AFDN: variants seen among roughly 807,000 people sequenced by gnomAD.
AFDN encodes the protein afadin.
AFDN carries 68 observed loss-of-function variants against 216.6 expected under a neutral mutation model. The ratio of observed to expected loss-of-function variants is 0.31; its 90% CI spans 0.26 to 0.38. AFDN has a LOEUF of 0.38. Among genes scored for constraint, AFDN ranks in the 10% least tolerant of loss-of-function variants. The pLI, the probability that AFDN is intolerant of heterozygous loss-of-function variation, is 1.00. For synonymous variants in AFDN, 868 were observed against 853.7 expected (o/e 1.02, Z -0.29); for missense variants, 2,136 against 2,342.0 (o/e 0.91, Z 1.82).
rs529754750 is a variant in AFDN, at chr6:167,965,853, G to A, written c.5065G>A (p.Gly1689Ser). 1.9e-5 allele frequency: 30 copies of A among 1,549,386 alleles called. 1 individual carries two copies. The East Asian group carries it at 4.6e-4, about 24-fold the overall frequency. Residue 1689 changes from glycine (G) to serine (S), a missense_variant, in exon 32 of 34, where the codon GGT becomes AGT. This residue lies in a region of AFDN where 981 missense variants were observed against 966.0 expected (regional missense o/e 1.02). Transcript: ENST00000683244. ...ARRLLEPEAP[G>S]LCRPPLPRDY... ...CAGGTTGCTGGAGCCCGAGGCGCCC[G>A]GTCTGTGCCGCCCTCCGCTTCCCCG...
intron 1 of AFDN, among the ~76,000 whole-genome samples, chr6:167,840,518 A>G (rs1007067516): frequency 1.4e-4 from 21 of 152,220 alleles, no homozygotes; most frequent in African/African-American, 4.6e-4. Context: ...TTCTTGAACC[A>G]TAGTACCAGA....
At chr6:167,919,605 T>TG (rs1348333761) in intron 21 of AFDN, among the ~76,000 whole-genome samples, 2 of 152,264 alleles carry the variant, frequency 1.3e-5, no homozygotes, top group Non-Finnish European at 2.9e-5. Context: ...TCCAGCATGT[T>TG]GTGTGCTTTT....
At chr6:167,889,656 G>C (rs1355958096) in intron 7 of AFDN, among the ~76,000 whole-genome samples, 1 of 152,124 alleles carries the variant, frequency 6.6e-6, no homozygotes, top group Non-Finnish European at 1.5e-5. Context: ...TTGCTGTAGA[G>C]CTTTCTGCCT....
intron 11 of AFDN, among the ~76,000 whole-genome samples, chr6:167,900,231 A>G (rs1788770666): frequency 6.6e-6 from 1 of 152,178 alleles, no homozygotes; most frequent in Non-Finnish European, 1.5e-5. Flanking sequence ...CTAGTGTCAA[A>G]CGATTGTGAC....
At chr6:167,891,405 GT>G (rs1170720004) in intron 8 of AFDN, among the ~76,000 whole-genome samples, 43 of 74,276 alleles carry the variant, frequency 5.8e-4, no homozygotes, top group Middle Eastern at 6.1e-3. Context: ...TCATAAAGGG[GT>G]GGGTGTGTGT....
Position 167,970,220 on chromosome 6 carries a change from T to C in AFDN, c.*285T>C. 1 of 369,834 alleles carries C rather than the reference T, an allele frequency of 2.7e-6. No individual in the cohort carries two copies. Among genetic ancestry groups the C allele is most frequent in the Non-Finnish European group, 4.8e-6 (1 of 207,518 alleles). 22.9% of individuals were successfully genotyped at this position (369,834 alleles called of 1,614,324 possible). ...TGGTTTCTTTTTTGGAGTCCTGAGT[T>C]CAAAGGGGACAGAACTAAGGGCAGG... On this transcript the variant is annotated 3_prime_UTR_variant, in exon 34 of 34. Coordinates refer to ENST00000683244, the MANE Select transcript of AFDN (RefSeq NM_001386888.1).
intron 2 of AFDN, among the ~76,000 whole-genome samples, chr6:167,865,812 A>G (rs1450205314): frequency 6.9e-6 from 1 of 145,510 alleles, no homozygotes; most frequent in Non-Finnish European, 1.5e-5. Context: ...TTTTTTTTTT[A>G]CTCAAAAAAT....
At position 167,951,997 on chromosome 6, in the gene AFDN, A is replaced by G. The variant is rs183973753; in HGVS notation, c.4643A>G (p.Gln1548Arg). The change falls in exon 30 of 34, where the codon CAG becomes CGG. Residue 1548 changes from glutamine to arginine, a missense_variant. Gln to Arg is a conservative substitution (Grantham distance 43). This residue lies in a region of AFDN where 981 missense variants were observed against 966.0 expected (regional missense o/e 1.02). Transcript: ENST00000683244. The surrounding 1 kb of genome is among the most constrained non-coding windows in gnomAD (Gnocchi z 7.1). The part of the protein sequence containing the change: ...HIVDMLSKEI[Q>R]ELQSKPDRSA... Reference sequence around the variant, plus strand: ...GTGGACATGCTGAGCAAGGAGATCCAGGAGCTCCAGAGCAAACCGGACCGC... The same window carrying G: ...GTGGACATGCTGAGCAAGGAGATCCGGGAGCTCCAGAGCAAACCGGACCGC... 3 of 1,614,218 alleles carry G rather than the reference A, an allele frequency of 1.9e-6. No homozygotes were observed. In the East Asian group the frequency reaches 6.7e-5, roughly 36 times the overall value.
intron 18 of AFDN, 144 bp from the exon 19 acceptor site, chr6:167,915,024 T>A (rs1790867155): frequency 2.4e-6 from 2 of 833,760 alleles, no homozygotes; most frequent in Non-Finnish European, 3.7e-6. Context: ...TGTCACTGTT[T>A]CCTCTTGGAA....
chr6:167,905,727 G>A (rs1789581492), intron 12 of AFDN, among the ~76,000 whole-genome samples: 1 of 151,884 alleles, frequency 6.6e-6, no homozygotes, highest in African/African-American at 2.4e-5. Flanking sequence ...TTTATCCATT[G>A]CCCTATTACT....
At chr6:167,894,710 C>T (rs1788018734) in intron 9 of AFDN, among the ~76,000 whole-genome samples, 1 of 152,114 alleles carries the variant, frequency 6.6e-6, no homozygotes, top group East Asian at 1.9e-4. Flanking sequence ...ATTTCTATTA[C>T]CATGGTGAGG....
chr6:167,946,300 G>A (rs79595161), intron 26 of AFDN, among the ~76,000 whole-genome samples: 6,022 of 152,266 alleles, frequency 0.04, 106 homozygotes, highest in Non-Finnish European at 0.06. Flanking sequence ...AGAAGCGGCC[G>A]CCAGGAGCGG....
chr6:167,888,540 T>G (rs979562901), intron 6 of AFDN, among the ~76,000 whole-genome samples: 10 of 152,176 alleles, frequency 6.6e-5, no homozygotes, highest in Non-Finnish European at 1.5e-4. Context: ...CTCCTCCATA[T>G]TACAGTGTTT....
chr6:167,906,311 TG>T (rs1475535484), intron 12 of AFDN, among the ~76,000 whole-genome samples: 2 of 152,188 alleles, frequency 1.3e-5, no homozygotes, highest in African/African-American at 4.8e-5. Flanking sequence ...TATTGTAAGA[TG>T]TTTGTAACAT....
rs1798011233 is a variant in AFDN, at chr6:167,971,366, C to T, written c.*1431C>T. On this transcript the variant is annotated 3_prime_UTR_variant, in exon 34 of 34. Coordinates refer to ENST00000683244, the MANE Select transcript of AFDN (RefSeq NM_001386888.1). ...CAAAGAGAGGTATAGGGGCTTTTTACTGCCTTCGAAATCACTTTTAATAAA... is the reference window on the plus strand; with the variant it reads ...CAAAGAGAGGTATAGGGGCTTTTTATTGCCTTCGAAATCACTTTTAATAAA... 1 of 210,288 alleles carries T rather than the reference C, an allele frequency of 4.8e-6. No homozygotes were observed. Among genetic ancestry groups the T allele is most frequent in the East Asian group, 7.3e-5 (1 of 13,780 alleles). 13.0% of individuals were successfully genotyped at this position (210,288 alleles called of 1,614,324 possible). A position where few individuals can be genotyped will look rare whatever the true frequency, so the allele number is the denominator to read the frequency against.
chr6:167,842,214 C>T (rs748299141), intron 1 of AFDN, among the ~76,000 whole-genome samples: 8 of 152,220 alleles, frequency 5.3e-5, no homozygotes, highest in Non-Finnish European at 1.0e-4. Flanking sequence ...AAACCAGTTG[C>T]CCACTGTGGG....
At position 167,943,149 on chromosome 6, in the gene AFDN, A is replaced by G. The variant is rs763781803; in HGVS notation, c.3120A>G (p.Leu1040=). 1.9e-6 allele frequency: 3 copies of G among 1,614,012 alleles called. No individual in the cohort carries two copies. Among genetic ancestry groups the G allele is most frequent in the East Asian group, 2.2e-5 (1 of 44,886 alleles). ...VAAKGAGQDK[L]GIYVKSVVKG... is the part of the protein sequence containing the mutation. ...AATAGGGTGCTGGTCAAGATAAACT[A>G]GGAATCTATGTGAAGTCGGTTGTGA... Residue 1040 remains leucine, a synonymous_variant, in exon 24 of 34, where the codon CTA becomes CTG. Transcript: ENST00000683244.
intron 1 of AFDN, among the ~76,000 whole-genome samples, chr6:167,838,475 C>G (rs1466382995): frequency 6.6e-6 from 1 of 152,204 alleles, no homozygotes; most frequent in East Asian, 1.9e-4. Context: ...CTTGGAGACT[C>G]TGGTTCTCCT....
chr6:167,938,562 C>G (rs1194723856), intron 23 of AFDN, among the ~76,000 whole-genome samples: 1 of 152,104 alleles, frequency 6.6e-6, no homozygotes, highest in African/African-American at 2.4e-5. Context: ...AGTACATGAT[C>G]AGTTTTGCTT....
Sources: gnomAD v4.1 joint callset for allele counts (sites outside exome capture counted in the v4.1 genomes callset) on GRCh38, gnomAD v4.1.1 for gene constraint, gnomAD v4.1.1 regional missense constraint, Gnocchi (gnomAD v3.1) non-coding constraint, MANE v1.5 for transcripts, NCBI Gene and HGNC (gene_info 2026-07-23, HGNC 2026-07-21) for gene names.